The following EPHB2 variants were observed in gnomAD, a reference collection of about 807,000 sequenced individuals.
EPHB2 encodes the protein EPH receptor B2.
Under a neutral mutation model 96.4 loss-of-function variants are expected in EPHB2, and 18 were observed. The ratio of observed to expected loss-of-function variants is 0.19; its 90% CI spans 0.13 to 0.28. EPHB2 has a LOEUF of 0.28. Among genes scored for constraint, EPHB2 ranks in the 10% least tolerant of loss-of-function variants. EPHB2 has a pLI of 1.00. For synonymous variants in EPHB2, 506 were observed against 534.1 expected (o/e 0.95, Z 0.72); for missense variants, 989 against 1,355.4 (o/e 0.73, Z 4.25).
intron 1 of EPHB2, among the ~76,000 whole-genome samples, chr1:22,737,420 G>T (rs1158734804): frequency 6.6e-6 from 1 of 152,164 alleles, no homozygotes; most frequent in Admixed American, 6.5e-5. Flanking sequence ...ACTCTAGGTG[G>T]ATGTCATTCT....
intron 5 of EPHB2, 40 bp downstream of exon 5, chr1:22,865,252 C>G: frequency 6.2e-7 from 1 of 1,610,232 alleles, no homozygotes; most frequent in Non-Finnish European, 8.5e-7. Flanking sequence ...TGCCCCATCG[C>G]GCTGTGCCAG....
At chr1:22,758,009 C>T (rs1027090684) in intron 1 of EPHB2, among the ~76,000 whole-genome samples, 23 of 142,278 alleles carry the variant, frequency 1.6e-4, no homozygotes, top group South Asian at 4.5e-4. Flanking sequence ...AGCTCCGCCT[C>T]CCGGGTTCAC....
intron 6 of EPHB2, 61 bp from the exon 7 acceptor site, chr1:22,892,823 G>T (rs370134245): frequency 2.5e-6 from 4 of 1,610,380 alleles, no homozygotes; most frequent in African/African-American, 1.3e-5. Flanking sequence ...GGAGCAGGCA[G>T]TGGGCTCTGG....
intron 3 of EPHB2, among the ~76,000 whole-genome samples, chr1:22,839,949 C>T (rs1645441252): frequency 6.6e-6 from 1 of 152,202 alleles, no homozygotes; most frequent in African/African-American, 2.4e-5. Context: ...TAGGTCTAGG[C>T]TGGGAGCCCG....
rs564475911 is a variant in EPHB2 at position 22,759,555 on chromosome 1, G to A, written c.62-21866G>A. ...AGGGAGGCTCTGATGAGTGTCTTGA[G>A]TGTCCCTGACAGTGATGGGAAGGGG... is the stretch of plus-strand genomic sequence containing the variant. On this transcript the variant is annotated intron_variant, in intron 1 of 15. Transcript: ENST00000374630. Among the ~76,000 whole-genome samples the A allele has an allele frequency of 1.2e-3, 189 of 152,252 alleles. 2 individuals carry two copies. Among genetic ancestry groups the A allele is most frequent in the African/African-American group, 4.2e-3 (173 of 41,546 alleles).
chr1:22,795,453 T>C (rs1570289976), intron 3 of EPHB2, among the ~76,000 whole-genome samples: 1 of 127,104 alleles, frequency 7.9e-6, no homozygotes, highest in South Asian at 2.7e-4. Flanking sequence ...CACGCCATAC[T>C]GAACTGGTTT....
At chr1:22,826,245 A>C (rs527766710) in intron 3 of EPHB2, among the ~76,000 whole-genome samples, 2 of 152,292 alleles carry the variant, frequency 1.3e-5, no homozygotes, top group Middle Eastern at 6.8e-3. Context: ...TGCACTCTTT[A>C]GAAAAAGGTG....
chr1:22,803,437 T>C (rs1274602761), intron 3 of EPHB2, among the ~76,000 whole-genome samples: 2 of 151,686 alleles, frequency 1.3e-5, no homozygotes, highest in African/African-American at 2.4e-5. Context: ...TGAAACCCCA[T>C]CTCTACAAAA....
At chr1:22,911,529 C>T (rs1046630234) in intron 14 of EPHB2, among the ~76,000 whole-genome samples, 1 of 152,160 alleles carries the variant, frequency 6.6e-6, no homozygotes, top group Non-Finnish European at 1.5e-5. Flanking sequence ...GAGGGGTGTT[C>T]ACTTGGGGAC....
chr1:22,856,215 T>C (rs938204197), intron 3 of EPHB2, among the ~76,000 whole-genome samples: 3 of 152,190 alleles, frequency 2.0e-5, no homozygotes, highest in Non-Finnish European at 4.4e-5. Context: ...CTGATGCCAA[T>C]TAACAGCCCC....
rs1464946217 is a variant in EPHB2, at chr1:22,913,086, G to A, written c.2853-376G>A. On this transcript the variant is annotated intron_variant, in intron 15 of 15. Transcript: ENST00000374630. The surrounding 1 kb of genome is among the most constrained non-coding windows in gnomAD (Gnocchi z 4.1). ...CATGCACCTGTAATGCCAGCTACTCGGGAGGCTGAGGCAGGGGAATTGCTT... is the reference window on the plus strand; with the variant it reads ...CATGCACCTGTAATGCCAGCTACTCAGGAGGCTGAGGCAGGGGAATTGCTT... 8 of 362,874 alleles carry A rather than the reference G, an allele frequency of 2.2e-5. No individual in the cohort carries two copies. Among genetic ancestry groups the A allele is most frequent in the African/African-American group, 8.4e-5 (4 of 47,636 alleles). The allele number at this position is 362,874 out of a possible 1,614,324, so 22.5% of individuals were successfully genotyped here.
chr1:22,824,625 T>C (rs1261287040), intron 3 of EPHB2, among the ~76,000 whole-genome samples: 1 of 152,228 alleles, frequency 6.6e-6, no homozygotes, highest in Admixed American at 6.5e-5. Flanking sequence ...TTTACTCAGC[T>C]CCAGAATGAA....
intron 1 of EPHB2, among the ~76,000 whole-genome samples, chr1:22,731,372 CG>C (rs1426984466): frequency 6.6e-6 from 1 of 152,110 alleles, no homozygotes; most frequent in East Asian, 1.9e-4. Flanking sequence ...AGCGGACCAC[CG>C]AGGGGCTCTG....
intron 5 of EPHB2, among the ~76,000 whole-genome samples, chr1:22,880,552 G>A (rs547125312): frequency 5.3e-5 from 8 of 152,220 alleles, no homozygotes; most frequent in Non-Finnish European, 1.0e-4. Context: ...GCTTGCCAGC[G>A]TCACACCACG....
chr1:22,903,169 C>T (rs1557747182), intron 9 of EPHB2, among the ~76,000 whole-genome samples: 2 of 152,218 alleles, frequency 1.3e-5, no homozygotes, highest in Non-Finnish European at 1.5e-5. Context: ...CACAGCATGA[C>T]GATGGCATCC....
rs1410720952 is a variant in EPHB2 at position 22,919,590 on chromosome 1, C to G, written c.*6020C>G. The G allele has an allele frequency of 6.5e-6, 1 of 153,000 alleles. No individual in the cohort carries two copies. Among genetic ancestry groups the G allele is most frequent in the Non-Finnish European group, 1.5e-5 (1 of 68,704 alleles). 9.5% of individuals were successfully genotyped at this position (153,000 alleles called of 1,614,324 possible). A position where few individuals can be genotyped will look rare whatever the true frequency, so the allele number is the denominator to read the frequency against. On this transcript the variant is annotated 3_prime_UTR_variant, in exon 16 of 16. Transcript: ENST00000374630. ...CCTAGAGCTACAGATGCCCCACCAC[C>G]ACTACCAAGCCCGGCTACCCAGACC...
At chr1:22,753,204 C>T (rs1557653747) in intron 1 of EPHB2, among the ~76,000 whole-genome samples, 1 of 152,050 alleles carries the variant, frequency 6.6e-6, no homozygotes, top group South Asian at 2.1e-4. Context: ...CCTGGATTTA[C>T]AGGCCAGTTT....
chr1:22,905,883 C>A, intron 9 of EPHB2, 104 bp from the exon 10 acceptor site: 1 of 1,583,906 alleles, frequency 6.3e-7, no homozygotes, highest in Non-Finnish European at 8.6e-7. Flanking sequence ...TTATGGGGGC[C>A]ACATGGGAGT....
intron 3 of EPHB2, among the ~76,000 whole-genome samples, chr1:22,816,429 C>T (rs1046907623): frequency 6.6e-6 from 1 of 152,160 alleles, no homozygotes; most frequent in African/African-American, 2.4e-5. Context: ...TTGCCTTCTC[C>T]AGCACTCTTC....
Sources: allele counts gnomAD v4.1 joint callset (sites outside exome capture counted in the v4.1 genomes callset), GRCh38; gene constraint gnomAD v4.1.1; non-coding constraint Gnocchi (gnomAD v3.1); transcripts MANE v1.5; gene names NCBI Gene and HGNC (gene_info 2026-07-23, HGNC 2026-07-21).